ZNF197: variants seen among roughly 807,000 people sequenced by gnomAD.
ZNF197 encodes zinc finger protein 197, also known as VHL-associated KRAB-A domain-containing protein.
Under a neutral mutation model 27.4 loss-of-function variants are expected in ZNF197, and 14 were observed. The ratio of observed to expected loss-of-function variants is 0.51; its 90% CI spans 0.34 to 0.80. The LOEUF (loss-of-function observed/expected upper bound fraction) is 0.80. Among genes scored for constraint, ZNF197 ranks in the 30% least tolerant of loss-of-function variants. ZNF197 has a pLI of 0.02. For missense variants in ZNF197, 1,090 were observed against 1,222.6 expected (o/e 0.89, Z 1.62); for synonymous variants, 415 against 420.0 (o/e 0.99, Z 0.15).
intron 5 of ZNF197, among the ~76,000 whole-genome samples, chr3:44,639,922 T>C (rs1160501349): frequency 6.6e-6 from 1 of 152,154 alleles, no homozygotes; most frequent in East Asian, 1.9e-4. Flanking sequence ...CCACTGGTTA[T>C]TTCTGCTTTG....
At position 44,644,148 on chromosome 3, in the gene ZNF197, A is replaced by G. The variant is rs781279221; in HGVS notation, c.3018A>G (p.Lys1006=). The G allele has an allele frequency of 6.2e-7, 1 of 1,613,840 alleles. No individual in the cohort carries two copies. Among genetic ancestry groups the G allele is most frequent in the Non-Finnish European group, 8.5e-7 (1 of 1,179,956 alleles). The change falls in exon 6 of 6, where the codon AAA becomes AAG. Residue 1006 remains lysine, a synonymous_variant. Transcript: ENST00000344387. The part of the protein sequence containing the change: ...SQTSNLHLQQ[K]IHTIEEFSWL... Reference sequence around the variant, plus strand: ...CTTCCAACCTTCATCTTCAACAGAAAATCCATACCATTGAGGAATTCTCTT... The same window carrying G: ...CTTCCAACCTTCATCTTCAACAGAAGATCCATACCATTGAGGAATTCTCTT...
At chr3:44,628,943 C>A in intron 1 of ZNF197, 131 bp from the exon 2 acceptor site, 2 of 549,644 alleles carry the variant, frequency 3.6e-6, no homozygotes, top group Non-Finnish European at 6.0e-6. Context: ...GAAGCACTCT[C>A]TAGAGCCTGG....
At chr3:44,630,590 A>G (rs1026356023) in intron 2 of ZNF197, among the ~76,000 whole-genome samples, 1 of 152,220 alleles carries the variant, frequency 6.6e-6, no homozygotes, top group Non-Finnish European at 1.5e-5. Context: ...AGATAAGGAA[A>G]CTGAGGCAGA....
In ZNF197 at chr3:44,643,863, TAGTC is replaced by T. The variant is rs760478658; in HGVS notation, c.2736_2739del (p.Ser912ArgfsTer33). 2 of 1,613,550 alleles carry T rather than the reference TAGTC, an allele frequency of 1.2e-6. No homozygotes were observed. Among genetic ancestry groups the T allele is most frequent in the South Asian group, 2.2e-5 (2 of 90,948 alleles). On this transcript the variant is annotated frameshift_variant, in exon 6 of 6. Coordinates refer to ENST00000344387, the MANE Select transcript of ZNF197 (RefSeq NM_006991.5). LOFTEE classifies it low-confidence loss of function (END_TRUNC). ...AATGTAATGAGTGTGGAAAAGACTT[TAGTC>T]AGAATAAAAACCTTGTTGTACATCA...
At position 44,632,168 on chromosome 3, in the gene ZNF197, C is replaced by T. The variant is rs1388799561; in HGVS notation, c.614C>T (p.Ala205Val). ...GAGAACCCAAGAAATCAATTAATGG[C>T]ACTTATGCTCCTAACAGCCCAGCCC... Reference protein sequence around the residue: ...QEENPRNQLMALMLLTAQPQE... With the variant: ...QEENPRNQLMVLMLLTAQPQE... Residue 205 changes from alanine (A) to valine (V), a missense_variant, in exon 4 of 6, where the codon GCA becomes GTA. By Grantham distance (64) the Ala-to-Val change is moderately conservative. Transcript: ENST00000344387. The T allele has an allele frequency of 3.1e-6, 5 of 1,614,034 alleles. No homozygotes were observed. Among genetic ancestry groups the T allele is most frequent in the Non-Finnish European group, 4.2e-6 (5 of 1,180,032 alleles).
Position 44,642,006 on chromosome 3 carries a change from C to T in ZNF197, c.876C>T (p.Pro292=). The T allele has an allele frequency of 1.2e-6, 2 of 1,613,870 alleles. No homozygotes were observed. Among genetic ancestry groups the T allele is most frequent in the Non-Finnish European group, 1.7e-6 (2 of 1,179,892 alleles). Residue 292 remains proline (P), a synonymous_variant, in exon 6 of 6, where the codon CCC becomes CCT. Coordinates refer to ENST00000344387, the MANE Select transcript of ZNF197 (RefSeq NM_006991.5). ...CAAAAAGACTTCAAGGAAGTGTTCC[C>T]CAGGTCCTTGATTTTGAAGAAGAGT... ...GTSKRLQGSV[P]QVLDFEEECE...
At position 44,631,676 on chromosome 3, in the gene ZNF197, C is replaced by T. The variant is rs556890299; in HGVS notation, c.551-429C>T. Among the ~76,000 whole-genome samples, 56 of 151,276 alleles carry T rather than the reference C, an allele frequency of 3.7e-4. 1 individual carries two copies. Among genetic ancestry groups the T allele is most frequent in the African/African-American group, 1.3e-3 (53 of 41,226 alleles). ...TTGGCCTCCCAAAGTGCTGGGATTA[C>T]AGGTGTGAGCCACTGCACCCGGCCA... On this transcript the variant is annotated intron_variant, in intron 3 of 5. Transcript: ENST00000344387.
chr3:44,639,625 T>C (rs1412448046), intron 5 of ZNF197, among the ~76,000 whole-genome samples: 2 of 152,184 alleles, frequency 1.3e-5, no homozygotes, highest in Non-Finnish European at 2.9e-5. Context: ...CACAGTATCA[T>C]TGATAGTATC....
At chr3:44,634,962 T>C (rs947883887) in intron 5 of ZNF197, among the ~76,000 whole-genome samples, 1 of 151,820 alleles carries the variant, frequency 6.6e-6, no homozygotes, top group African/African-American at 2.4e-5. Flanking sequence ...GCTGAGACTC[T>C]AGGCATGCAC....
intron 2 of ZNF197, chr3:44,630,834 G>A (rs771203776): frequency 3.1e-5 from 21 of 670,236 alleles, no homozygotes; most frequent in Middle Eastern, 2.4e-4. Context: ...TGTTCCCACC[G>A]TTGTGTACAG....
At chr3:44,633,159 G>A (rs1464939275) in intron 5 of ZNF197, among the ~76,000 whole-genome samples, 1 of 152,024 alleles carries the variant, frequency 6.6e-6, no homozygotes, top group African/African-American at 2.4e-5. Flanking sequence ...CTTTTGCTCT[G>A]CCTTCATTTG....
In ZNF197 at chr3:44,632,138, A is replaced by G. The variant is rs1702048941; in HGVS notation, c.584A>G (p.Gln195Arg). ...GCCCCTGAAGCTTCTGCCCTTTCCC[A>G]GGAAGAGAACCCAAGAAATCAATTA... ...SPAPEASALS[Q>R]EENPRNQLMA... The change falls in exon 4 of 6, where the codon CAG (glutamine) becomes CGG (arginine). Residue 195 changes from glutamine to arginine, a missense_variant. Coordinates refer to ENST00000344387, the MANE Select transcript of ZNF197 (RefSeq NM_006991.5). 1.9e-6 allele frequency: 3 copies of G among 1,614,084 alleles called. No homozygotes were observed. The highest frequency in any genetic ancestry group is 1.3e-5 in the African/African-American group (1 of 75,026).
chr3:44,631,104 G>C lies in ZNF197; in HGVS notation c.433G>C (p.Val145Leu), dbSNP rs138605344. 1.6e-4 allele frequency: 254 copies of C among 1,613,972 alleles called. No homozygotes were observed. Among genetic ancestry groups the C allele is most frequent in the Non-Finnish European group, 2.1e-4 (247 of 1,180,026 alleles). The change falls in exon 3 of 6, where the codon GTG becomes CTG. Residue 145 changes from valine to leucine, a missense_variant. Transcript: ENST00000344387. ...VKDQDTLQKV[V>L]SAPGTTLPPV... ...GGATCAGGACACTCTCCAGAAGGTG[G>C]TGAGTGCCCCAGGAACAACACTTCC...
intron 5 of ZNF197, among the ~76,000 whole-genome samples, chr3:44,641,447 A>G (rs1364748481): frequency 6.6e-6 from 1 of 152,218 alleles, no homozygotes; most frequent in Non-Finnish European, 1.5e-5. Context: ...CTTTTCAAAA[A>G]TTAAAAATTG....
Position 44,642,959 on chromosome 3 carries a change from T to C in ZNF197, c.1829T>C (p.Ile610Thr), listed in dbSNP as rs1332403217. ...GKIFSSKSNFIDHKRMHSREK... is the reference protein window; with the variant it reads ...GKIFSSKSNFTDHKRMHSREK... ...ATTTTCAGTTCTAAGTCAAACTTCATTGACCATAAGAGGATGCACAGCAGA... is the reference window on the plus strand; with the variant it reads ...ATTTTCAGTTCTAAGTCAAACTTCACTGACCATAAGAGGATGCACAGCAGA... The change falls in exon 6 of 6, where the codon ATT becomes ACT. Residue 610 changes from isoleucine to threonine, a missense_variant. Ile to Thr is a moderately conservative substitution (Grantham distance 89, BLOSUM62 -1). Transcript: ENST00000344387. 2 of 1,613,958 alleles carry C rather than the reference T, an allele frequency of 1.2e-6. No individual in the cohort carries two copies. The highest frequency in any genetic ancestry group is 1.7e-6 in the Non-Finnish European group (2 of 1,179,984).
At position 44,632,373 on chromosome 3, in the gene ZNF197, C is replaced by T. The variant is rs1245623848; in HGVS notation, c.643-100C>T. On this transcript the variant is annotated intron_variant, in intron 4 of 5. Coordinates refer to ENST00000344387, the MANE Select transcript of ZNF197 (RefSeq NM_006991.5). ...ATGTCTCCCTGATGTCTGTTATGCA[C>T]TCATGGCCTCACAGTGTATCCCTTC... The T allele has an allele frequency of 1.6e-5, 25 of 1,517,940 alleles. No homozygotes were observed. The Admixed American group carries it at 4.6e-4, about 28-fold the overall frequency. The allele number at this position is 1,517,940 out of a possible 1,614,324, so 94.0% of individuals were successfully genotyped here. A position where few individuals can be genotyped will look rare whatever the true frequency, so the allele number is the denominator to read the frequency against.
At position 44,643,467 on chromosome 3, in the gene ZNF197, G is replaced by A. The variant is rs1219848371; in HGVS notation, c.2337G>A (p.Glu779=). 1.9e-6 allele frequency: 3 copies of A among 1,614,168 alleles called. No individual in the cohort carries two copies. The Admixed American group carries it at 5.0e-5, about 27-fold the overall frequency. The change falls in exon 6 of 6, where the codon GAG becomes GAA. Residue 779 remains glutamate (E), a synonymous_variant. Transcript: ENST00000344387. Reference sequence around the variant, plus strand: ...TCAGTTCAAACAGAAACCTCATTGAGCATAAGAGAATCCACAGTGGTGAGA... The same window carrying A: ...TCAGTTCAAACAGAAACCTCATTGAACATAAGAGAATCCACAGTGGTGAGA... ...RAFSSNRNLI[E]HKRIHSGEKP... is the part of the protein sequence containing the mutation.
At position 44,630,807 on chromosome 3, in the gene ZNF197, C is replaced by T. The variant is rs1291200689; in HGVS notation, c.391-255C>T. 4.7e-6 allele frequency: 3 copies of T among 636,336 alleles called. No individual in the cohort carries two copies. In the African/African-American group the frequency reaches 5.4e-5, roughly 11 times the overall value. 39.4% of individuals were successfully genotyped at this position (636,336 alleles called of 1,614,324 possible). ...TACTTCCCATTCCCTCCTTAACCCA[C>T]ACCCAGGTCTGGCTTCTGTTCCCAC... On this transcript the variant is annotated intron_variant, in intron 2 of 5. Transcript: ENST00000344387.
Position 44,644,142 on chromosome 3 carries a change from A to G in ZNF197, c.3012A>G (p.Gln1004=), listed in dbSNP as rs1575500237. ...CTCAGACTTCCAACCTTCATCTTCAACAGAAAATCCATACCATTGAGGAAT... is the reference window on the plus strand; with the variant it reads ...CTCAGACTTCCAACCTTCATCTTCAGCAGAAAATCCATACCATTGAGGAAT... ...EFSQTSNLHL[Q]QKIHTIEEFS... Residue 1004 remains glutamine, a synonymous_variant, in exon 6 of 6, where the codon CAA becomes CAG. Transcript: ENST00000344387. 1.2e-6 allele frequency: 2 copies of G among 1,614,006 alleles called. No homozygotes were observed. Among genetic ancestry groups the G allele is most frequent in the Non-Finnish European group, 8.5e-7 (1 of 1,179,994 alleles).
Sources: gnomAD v4.1 joint callset for allele counts (sites outside exome capture counted in the v4.1 genomes callset) on GRCh38, gnomAD v4.1.1 for gene constraint, MANE v1.5 for transcripts, NCBI Gene and HGNC (gene_info 2026-07-23, HGNC 2026-07-21) for gene names.